The following CSGALNACT1 variants were observed in gnomAD, a reference collection of about 807,000 sequenced individuals.
CSGALNACT1 encodes chondroitin sulfate N-acetylgalactosaminyltransferase 1.
Under a neutral mutation model 51.0 loss-of-function variants are expected in CSGALNACT1, and 52 were observed. The ratio of observed to expected loss-of-function variants is 1.02; its 90% confidence interval spans 0.82 to 1.29. The LOEUF (loss-of-function observed/expected upper bound fraction) is 1.29, where lower values mean the gene tolerates loss of function less well. Ranked by LOEUF, CSGALNACT1 falls within the 50% of genes most tolerant of loss-of-function variation. The pLI is 0.00. For synonymous variants in CSGALNACT1, 341 were observed against 254.4 expected, an observed-to-expected ratio of 1.34 and a Z score of -3.24; for missense variants, 935 against 679.2, an observed-to-expected ratio of 1.38 and a Z score of -4.19.
intron 9 of CSGALNACT1, among the ~76,000 whole-genome samples, chr8:19,407,906 TGTGTGTGTGTGTGTG>T: frequency 2.2e-5 from 1 of 45,648 alleles, no homozygotes; most frequent in African/African-American, 9.9e-5. Flanking sequence ...GTATATGAAT[TGTGTGTGTGTGTGTG>T]TGTGTGTGTG....
At chr8:19,470,979 C>T (rs532660514) in intron 4 of CSGALNACT1, among the ~76,000 whole-genome samples, 2 of 152,106 alleles carry the variant, frequency 1.3e-5, no homozygotes, top group African/African-American at 4.8e-5. Flanking sequence ...ACCCATCATC[C>T]CAGCTACTTG....
At chr8:19,405,305 T>TAA (rs2053931455) in exon 10 of CSGALNACT1, 2 of 454,166 alleles carry the variant, frequency 4.4e-6, no homozygotes, top group African/African-American at 4.0e-5. Flanking sequence ...TACTCACTAG[T>TAA]ATCATAATAA....
At chr8:19,548,072 A>G (rs7013905) in intron 3 of CSGALNACT1, among the ~76,000 whole-genome samples, 4,671 of 152,332 alleles carry the variant, frequency 0.031, 248 homozygotes, top group African/African-American at 0.11. Context: ...CAAAGCTGGA[A>G]GTAGACTATT....
chr8:19,659,363 C>T (rs554763670), intron 1 of CSGALNACT1, among the ~76,000 whole-genome samples: 2 of 152,314 alleles, frequency 1.3e-5, no homozygotes, highest in South Asian at 4.1e-4. Context: ...TACTTGGGCT[C>T]CTTCCCTTAT....
At chr8:19,409,867 A>G (rs1231695600) in intron 8 of CSGALNACT1, among the ~76,000 whole-genome samples, 1 of 150,598 alleles carries the variant, frequency 6.6e-6, no homozygotes, top group Non-Finnish European at 1.5e-5. Context: ...TCATGCATCT[A>G]TTTTTTTTTC....
At chr8:19,567,216 A>C (rs1232696202) in intron 3 of CSGALNACT1, among the ~76,000 whole-genome samples, 2 of 152,232 alleles carry the variant, frequency 1.3e-5, no homozygotes, top group Non-Finnish European at 1.5e-5. Flanking sequence ...GCTGATCATG[A>C]GCCAGTACTT....
chr8:19,510,724 T>C (rs2078311095), intron 3 of CSGALNACT1, among the ~76,000 whole-genome samples: 1 of 152,142 alleles, frequency 6.6e-6, no homozygotes, highest in South Asian at 2.1e-4. Context: ...AAAGTACAAA[T>C]ATAATACATT....
chr8:19,675,800 A>T (rs928505137), intron 1 of CSGALNACT1, among the ~76,000 whole-genome samples: 1 of 152,048 alleles, frequency 6.6e-6, no homozygotes, highest in African/African-American at 2.4e-5. Flanking sequence ...CTAATTCTAT[A>T]TATGAACCTC....
At chr8:19,686,958 G>C (rs1331211463), upstream of CSGALNACT1, among the ~76,000 whole-genome samples, 2 of 152,144 alleles carry the variant, frequency 1.3e-5, no homozygotes, top group Admixed American at 1.3e-4. Context: ...TTGGCACAGA[G>C]CTTTCCATCA....
chr8:19,593,676 G>A (rs1054760586), intron 2 of CSGALNACT1, among the ~76,000 whole-genome samples: 1 of 152,198 alleles, frequency 6.6e-6, no homozygotes, highest in African/African-American at 2.4e-5. Context: ...TAAATCAAAT[G>A]AGCTGAAGAC....
intron 1 of CSGALNACT1, among the ~76,000 whole-genome samples, chr8:19,654,095 A>T (rs1183327338): frequency 6.6e-6 from 1 of 152,122 alleles, no homozygotes; most frequent in Non-Finnish European, 1.5e-5. Flanking sequence ...TTCAATCATC[A>T]CTGAAAACAC....
rs531170184 is a variant in CSGALNACT1 at position 19,525,579 on chromosome 8, T to C, written c.-296-19449A>G. Among the ~76,000 whole-genome samples, 16 of 118,510 alleles carry C rather than the reference T, an allele frequency of 1.4e-4. No individual in the cohort carries two copies. The East Asian group carries it at 3.7e-3, about 28-fold the overall frequency. The allele number at this position is 118,510 out of a possible 152,430, so 77.7% of individuals were successfully genotyped here. A position where few individuals can be genotyped will look rare whatever the true frequency, so the allele number is the denominator to read the frequency against. On this transcript the variant is annotated intron_variant, in intron 3 of 9. Coordinates refer to ENST00000454498, the Ensembl canonical transcript of CSGALNACT1. ...CTGCAGTGAGCTGAGATCATGCCAC[T>C]GCATGCCAGTCTGGCTGACAGAGGG...
At chr8:19,577,101 G>C (rs568932219) in intron 3 of CSGALNACT1, among the ~76,000 whole-genome samples, 89 of 152,208 alleles carry the variant, frequency 5.8e-4, no homozygotes, top group African/African-American at 1.9e-3. Flanking sequence ...TATTCACAAA[G>C]AAAGAAGATC....
intron 8 of CSGALNACT1, among the ~76,000 whole-genome samples, chr8:19,415,245 C>A (rs1022439230): frequency 1.3e-5 from 2 of 152,204 alleles, no homozygotes; most frequent in East Asian, 1.9e-4. Context: ...CTTCTGACTT[C>A]TCCTCTCGCA....
chr8:19,590,750 A>C (rs536036928), intron 3 of CSGALNACT1, among the ~76,000 whole-genome samples: 9 of 147,352 alleles, frequency 6.1e-5, no homozygotes, highest in Non-Finnish European at 1.2e-4. Flanking sequence ...TCTGGGTTCA[A>C]GCAATTCTCC....
intron 1 of CSGALNACT1, among the ~76,000 whole-genome samples, chr8:19,690,421 T>A (rs751288286): frequency 7.2e-5 from 11 of 151,776 alleles, no homozygotes; most frequent in Non-Finnish European, 1.5e-4. Flanking sequence ...CTGTTTCTGC[T>A]AAGAAAAAAA....
intron 4 of CSGALNACT1, among the ~76,000 whole-genome samples, chr8:19,491,028 G>C (rs1335357963): frequency 6.6e-6 from 1 of 150,416 alleles, no homozygotes; most frequent in African/African-American, 2.5e-5. Flanking sequence ...AACAGCAACA[G>C]AATTTCCAAA....
intron 1 of CSGALNACT1, among the ~76,000 whole-genome samples, chr8:19,676,244 C>T (rs571916548): frequency 2.0e-5 from 3 of 151,996 alleles, no homozygotes; most frequent in South Asian, 2.1e-4. Context: ...TCAACGGATG[C>T]CAACTCCAAC....
At chr8:19,707,776 G>A (rs980108920) in intron 1 of CSGALNACT1, among the ~76,000 whole-genome samples, 4 of 152,104 alleles carry the variant, frequency 2.6e-5, no homozygotes, top group African/African-American at 9.7e-5. Context: ...TGATGTGTGT[G>A]GATCACTTGA....
Sources: allele counts gnomAD v4.1 joint callset (sites outside exome capture counted in the v4.1 genomes callset), GRCh38; gene constraint gnomAD v4.1.1; transcripts MANE v1.5; gene names NCBI Gene and HGNC (gene_info 2026-07-23, HGNC 2026-07-21).